Variants in IL4R observed in about 807,000 individuals in gnomAD.
The protein encoded by IL4R is interleukin 4 receptor, also known as interleukin-4 receptor subunit alpha.
A neutral mutation model predicts 41.5 loss-of-function variants in IL4R; 17 were observed. That is an observed-to-expected ratio of 0.41 (90% confidence interval 0.28 to 0.61). IL4R has a LOEUF of 0.61. Ranked by LOEUF, IL4R falls within the 20% of genes least tolerant of loss-of-function variation. The probability of loss-of-function intolerance (pLI) is 0.31; values close to 1 mark genes in which losing one functional copy is unlikely to be tolerated. For synonymous variants in IL4R, 402 were observed against 422.9 expected, an observed-to-expected ratio of 0.95 and a Z score of 0.61; for missense variants, 974 against 1,043.1, an observed-to-expected ratio of 0.93 and a Z score of 0.91.
chr16:27,341,906 C>T, intron 3 of IL4R: 1 of 549,852 alleles, frequency 1.8e-6, no homozygotes, highest in Non-Finnish European at 3.2e-6. Context: ...TCTAATGGCC[C>T]CCGCACCCAT....
chr16:27,351,687 G>A (rs141063230), intron 6 of IL4R, among the ~76,000 whole-genome samples: 2 of 151,990 alleles, frequency 1.3e-5, no homozygotes, highest in East Asian at 3.9e-4. Flanking sequence ...GCTAATTTTT[G>A]TATTTTTAGT....
intron 1 of IL4R, among the ~76,000 whole-genome samples, chr16:27,319,039 T>G (rs2084732505): frequency 6.6e-6 from 1 of 152,148 alleles, no homozygotes; most frequent in Admixed American, 6.5e-5. Flanking sequence ...GCTTGGTGAC[T>G]TTGAGGAAGT....
intron 2 of IL4R, among the ~76,000 whole-genome samples, chr16:27,332,194 T>C (rs2107354): frequency 0.35 from 53,821 of 151,862 alleles, 10,137 homozygotes; most frequent in East Asian, 0.52. Flanking sequence ...TCTAAGGACA[T>C]GCCCAAGACT....
chr16:27,324,899 C>T (rs764442785), intron 1 of IL4R, among the ~76,000 whole-genome samples: 4 of 152,152 alleles, frequency 2.6e-5, no homozygotes, highest in Non-Finnish European at 5.9e-5. Context: ...CCTGAGGCCA[C>T]TTTCCCTCTG....
chr16:27,355,932 G>A (rs1428767279), intron 8 of IL4R, 25 bp downstream of exon 8: 5 of 1,545,150 alleles, frequency 3.2e-6, no homozygotes, highest in South Asian at 1.1e-5. Flanking sequence ...CAGTGCTGCC[G>A]AGCAGTCCCT....
At chr16:27,333,010 C>A (rs1183596910) in intron 2 of IL4R, among the ~76,000 whole-genome samples, 1 of 151,892 alleles carries the variant, frequency 6.6e-6, no homozygotes, top group Non-Finnish European at 1.5e-5. Flanking sequence ...TAATTTGAAT[C>A]CATTGTGGCC....
intron 1 of IL4R, among the ~76,000 whole-genome samples, chr16:27,326,759 G>A (rs115384592): frequency 0.011 from 1,668 of 152,282 alleles, 35 homozygotes; most frequent in African/African-American, 0.034. Context: ...GGGTGCTGTT[G>A]GTGGAGGGGG....
intron 6 of IL4R, 145 bp from the exon 7 acceptor site, chr16:27,352,395 G>A (rs2085908279): frequency 3.2e-6 from 2 of 634,730 alleles, no homozygotes; most frequent in Non-Finnish European, 5.6e-6. Context: ...GAGGTGGCAA[G>A]CAATGGCCTG....
At chr16:27,341,889 G>A (rs562089830) in intron 3 of IL4R, 35 of 491,834 alleles carry the variant, frequency 7.1e-5, no homozygotes, top group African/African-American at 1.7e-4. Context: ...CACTTGGTTC[G>A]TTCTTGTCTA....
Position 27,360,816 on chromosome 16 carries a change from G to GT in IL4R, c.899+2dup, listed in dbSNP as rs1567336081. 4 of 1,614,124 alleles carry GT rather than the reference G, an allele frequency of 2.5e-6. No homozygotes were observed. The highest frequency in any genetic ancestry group is 3.4e-6 in the Non-Finnish European group (4 of 1,180,028). ...GAGGCCAGGAACCAGCCAAGTGCCCGTATGTATCTGAACTTAGGTCACAGC... is the reference window on the plus strand; with the variant it reads ...GAGGCCAGGAACCAGCCAAGTGCCCGTTATGTATCTGAACTTAGGTCACAGC... On this transcript the variant is annotated splice_donor_variant, in intron 10 of 10. Transcript: ENST00000395762. LOFTEE classifies it high-confidence loss of function.
chr16:27,359,035 A>G (rs776763935), intron 9 of IL4R, 41 bp downstream of exon 9: 5 of 1,484,728 alleles, frequency 3.4e-6, no homozygotes, highest in East Asian at 2.3e-5. Flanking sequence ...GACTGTGTAC[A>G]TGAAGAAGTG....
Position 27,351,412 on chromosome 16 carries a change from GAGA to G in IL4R, c.514-1124_514-1122del, listed in dbSNP as rs1490241566. ...CAAGTAGCAGGTCCTGCCCACACTC[GAGA>G]AGACCAGATGACACAAAGATGTGAT... On this transcript the variant is annotated intron_variant, in intron 6 of 10. Coordinates refer to ENST00000395762, the MANE Select transcript of IL4R (RefSeq NM_000418.4). 2.0e-5 allele frequency among the ~76,000 whole-genome samples: 3 copies of G among 151,996 alleles called. No individual in the cohort carries two copies. In the East Asian group the frequency reaches 5.8e-4, roughly 29 times the overall value.
At position 27,340,171 on chromosome 16, in the gene IL4R, C is replaced by T; in HGVS notation, c.-18-15C>T. 6.3e-7 allele frequency: 1 copy of T among 1,591,078 alleles called. No homozygotes were observed. Among genetic ancestry groups the T allele is most frequent in the South Asian group, 1.1e-5 (1 of 89,752 alleles). ...AGCACAGGTCAGCACTAACCTGCTT[C>T]CTCTCTCTCTGCAGGTGCCTTGGCA... On this transcript the variant is annotated splice_polypyrimidine_tract_variant and intron_variant, in intron 2 of 10. Transcript: ENST00000395762.
chr16:27,318,599 T>G (rs2084716265), intron 1 of IL4R: 1 of 152,318 alleles, frequency 6.6e-6, no homozygotes, highest in African/African-American at 2.4e-5. Flanking sequence ...CTCTTACGTT[T>G]CAAGTCTAGC....
At chr16:27,340,856 C>T (rs1192407170) in intron 3 of IL4R, among the ~76,000 whole-genome samples, 1 of 152,120 alleles carries the variant, frequency 6.6e-6, no homozygotes, top group African/African-American at 2.4e-5. Context: ...TTGGAGGAAG[C>T]GGGAACCGTG....
intron 10 of IL4R, 158 bp downstream of exon 10, chr16:27,360,973 G>A (rs2086261723): frequency 1.3e-6 from 2 of 1,511,810 alleles, no homozygotes; most frequent in Non-Finnish European, 1.8e-6. Flanking sequence ...GGGTGTTCTG[G>A]AAACGTGGAC....
rs868069066 is a variant in IL4R at position 27,363,751 on chromosome 16, G to C, written c.2399G>C (p.Gly800Ala). ...TCATCATCCTTCCATCCTGCCCCTG[G>C]CAATGCTCAGAGCTCAAGCCAGACC... ...KSSSSFHPAP[G>A]NAQSSSQTPK... Residue 800 changes from glycine to alanine, a missense_variant, in exon 11 of 11, where the codon GGC becomes GCC. Gly to Ala is a moderately conservative substitution (Grantham distance 60). Around this residue, in one of 3 missense-constraint regions of IL4R, gnomAD observed 682 missense variants for 704.3 expected, o/e 0.97. Transcript: ENST00000395762. 5 of 1,612,866 alleles carry C rather than the reference G, an allele frequency of 3.1e-6. No homozygotes were observed. In the African/African-American group the frequency reaches 5.3e-5, roughly 17 times the overall value.
intron 2 of IL4R, among the ~76,000 whole-genome samples, chr16:27,333,776 C>T (rs2085176660): frequency 6.6e-6 from 1 of 152,006 alleles, no homozygotes; most frequent in African/African-American, 2.4e-5. Flanking sequence ...GCTGAAACTG[C>T]CTAGCAGCAT....
chr16:27,337,225 A>G (rs1392573655), intron 2 of IL4R, among the ~76,000 whole-genome samples: 1 of 152,100 alleles, frequency 6.6e-6, no homozygotes, highest in African/African-American at 2.4e-5. Context: ...AGTGTGCCCA[A>G]GTCACTCGGA....
Sources: allele counts gnomAD v4.1 joint callset (sites outside exome capture counted in the v4.1 genomes callset), GRCh38; gene constraint gnomAD v4.1.1; regional missense constraint gnomAD v4.1.1; transcripts MANE v1.5; gene names NCBI Gene and HGNC (gene_info 2026-07-23, HGNC 2026-07-21).